Variants in GALNT10 observed in about 807,000 individuals in gnomAD.
The protein encoded by GALNT10 is GalNAc transferase 10.
A neutral mutation model predicts 75.0 loss-of-function variants in GALNT10; 41 were observed. The observed-to-expected ratio is 0.55, with a 90% CI of 0.43 to 0.71. The LOEUF is 0.71. Ranked by LOEUF, GALNT10 falls within the 30% of genes least tolerant of loss-of-function variation. GALNT10 has a pLI of 0.00. For missense variants in GALNT10, 727 were observed against 818.5 expected (o/e 0.89, Z 1.36); for synonymous variants, 302 against 313.0 (o/e 0.96, Z 0.37).
At chr5:154,380,733 A>G in intron 6 of GALNT10, 102 bp downstream of exon 6, 1 of 741,310 alleles carries the variant, frequency 1.3e-6, no homozygotes, top group South Asian at 1.9e-5. Flanking sequence ...CCCAATGCAG[A>G]GGGTCCAGCT....
intron 4 of GALNT10, chr5:154,337,887 A>C (rs1013978616): frequency 1.6e-6 from 2 of 1,254,092 alleles, no homozygotes; most frequent in Non-Finnish European, 2.3e-6. Flanking sequence ...TTGCTTTGAC[A>C]GGGCTTTCCT....
chr5:154,206,366 G>T (rs1459588810), intron 1 of GALNT10, among the ~76,000 whole-genome samples: 2 of 152,138 alleles, frequency 1.3e-5, no homozygotes, highest in Non-Finnish European at 2.9e-5. Context: ...TTTGTACTGG[G>T]TCCCCACTAA....
chr5:154,420,049 A>C lies in GALNT10; in HGVS notation c.*3077A>C, dbSNP rs1756596286. ...AGAACAAGGCCTTTGGAGGTGGCTA[A>C]ACTTGCACGCACGTGTGTGAAAAGC... is the stretch of plus-strand genomic sequence containing the variant. On this transcript the variant is annotated 3_prime_UTR_variant, in exon 12 of 12. Transcript: ENST00000297107. The C allele has an allele frequency of 6.6e-6, 1 of 152,230 alleles. No homozygotes were observed. Among genetic ancestry groups the C allele is most frequent in the African/African-American group, 2.4e-5 (1 of 41,452 alleles). The allele number at this position is 152,230 out of a possible 1,614,324, so 9.4% of individuals were successfully genotyped here.
intron 3 of GALNT10, among the ~76,000 whole-genome samples, chr5:154,322,362 C>T (rs532967005): frequency 2.2e-4 from 33 of 152,238 alleles, no homozygotes; most frequent in East Asian, 1.9e-4. Flanking sequence ...GAGTCCCTCT[C>T]GTAGCTCAAA....
At chr5:154,297,600 G>C (rs1256503579) in intron 2 of GALNT10, among the ~76,000 whole-genome samples, 1 of 152,138 alleles carries the variant, frequency 6.6e-6, no homozygotes, top group Non-Finnish European at 1.5e-5. Flanking sequence ...CGAGGGCAGG[G>C]GTCTTTGGAG....
At chr5:154,203,272 T>C (rs904521290) in intron 1 of GALNT10, among the ~76,000 whole-genome samples, 6 of 152,038 alleles carry the variant, frequency 3.9e-5, no homozygotes, top group Non-Finnish European at 8.8e-5. Flanking sequence ...GCAACCCCCA[T>C]AGTCTCCGTG....
At chr5:154,303,947 A>T (rs1446021999) in intron 3 of GALNT10, among the ~76,000 whole-genome samples, 1 of 152,226 alleles carries the variant, frequency 6.6e-6, no homozygotes, top group African/African-American at 2.4e-5. Flanking sequence ...CATATGTTTA[A>T]AAAGTTAGGT....
intron 8 of GALNT10, among the ~76,000 whole-genome samples, chr5:154,405,458 G>A (rs977354609): frequency 6.6e-6 from 1 of 152,114 alleles, no homozygotes; most frequent in East Asian, 1.9e-4. Context: ...ACACGGGCGG[G>A]GGGTAGGTTC....
At chr5:154,266,441 G>C (rs1329028497) in intron 1 of GALNT10, among the ~76,000 whole-genome samples, 1 of 151,982 alleles carries the variant, frequency 6.6e-6, no homozygotes, top group Admixed American at 6.6e-5. Flanking sequence ...ACATGCACTT[G>C]TAAGAAAAAT....
chr5:154,258,572 A>G (rs1753650057), intron 1 of GALNT10, among the ~76,000 whole-genome samples: 1 of 152,238 alleles, frequency 6.6e-6, no homozygotes, highest in Admixed American at 6.5e-5. Context: ...TGGAGTATCC[A>G]CTGGCCTGGT....
intron 1 of GALNT10, among the ~76,000 whole-genome samples, chr5:154,262,565 A>C (rs2443523): frequency 0.24 from 37,142 of 151,896 alleles, 5,525 homozygotes; most frequent in African/African-American, 0.42. Flanking sequence ...GTCCATCAGA[A>C]ACGCTCTTCT....
intron 1 of GALNT10, among the ~76,000 whole-genome samples, chr5:154,217,203 G>A (rs1752887729): frequency 6.6e-6 from 1 of 152,102 alleles, no homozygotes; most frequent in African/African-American, 2.4e-5. Flanking sequence ...CTCTCCGTCT[G>A]TCTGGGTAGA....
At chr5:154,395,194 A>T (rs796916654) in intron 7 of GALNT10, among the ~76,000 whole-genome samples, 8 of 152,226 alleles carry the variant, frequency 5.3e-5, no homozygotes, top group Non-Finnish European at 1.0e-4. Flanking sequence ...ATGGGATGAT[A>T]TGTATATTTG....
intron 3 of GALNT10, among the ~76,000 whole-genome samples, chr5:154,325,798 T>A (rs1189500628): frequency 6.6e-6 from 1 of 152,172 alleles, no homozygotes; most frequent in Non-Finnish European, 1.5e-5. Context: ...CTTTTCCTCC[T>A]AAGATCAGGA....
chr5:154,191,111 T>G (rs1774852528), intron 1 of GALNT10, 86 bp downstream of exon 1: 2 of 912,336 alleles, frequency 2.2e-6, no homozygotes, highest in South Asian at 2.8e-5. Context: ...CCTTCTGCTG[T>G]CTGCCTCCTC....
chr5:154,201,937 GAA>G (rs5872362), intron 1 of GALNT10, among the ~76,000 whole-genome samples: 69 of 144,536 alleles, frequency 4.8e-4, no homozygotes, highest in South Asian at 1.3e-3. Context: ...TCGAGGAAAA[GAA>G]AAAAAAAAAA....
At chr5:154,358,812 A>G (rs542995380) in intron 4 of GALNT10, among the ~76,000 whole-genome samples, 1 of 152,312 alleles carries the variant, frequency 6.6e-6, no homozygotes, top group African/African-American at 2.4e-5. Context: ...TCGCATGGCT[A>G]GTCCTCATCC....
At chr5:154,279,816 A>G (rs934724999) in intron 1 of GALNT10, among the ~76,000 whole-genome samples, 3 of 152,004 alleles carry the variant, frequency 2.0e-5, no homozygotes, top group African/African-American at 4.8e-5. Context: ...TGAGTTCTTT[A>G]TGCATTCTGA....
intron 4 of GALNT10, chr5:154,337,609 C>A: frequency 1.2e-6 from 1 of 868,808 alleles, no homozygotes; most frequent in South Asian, 1.3e-5. Flanking sequence ...TTCATGGGTC[C>A]AAAATTTGAA....
Sources: gnomAD v4.1 joint callset for allele counts (sites outside exome capture counted in the v4.1 genomes callset) on GRCh38, gnomAD v4.1.1 for gene constraint, MANE v1.5 for transcripts, NCBI Gene and HGNC (gene_info 2026-07-23, HGNC 2026-07-21) for gene names.